LAX1: variants seen among roughly 807,000 people sequenced by gnomAD.
LAX1 encodes the protein lymphocyte transmembrane adaptor 1.
Under a neutral mutation model 20.7 loss-of-function variants are expected in LAX1, and 17 were observed. The ratio of observed to expected loss-of-function variants is 0.82; its 90% confidence interval spans 0.56 to 1.23. The LOEUF is 1.23. Among genes scored for constraint, LAX1 ranks in the 50% most tolerant of loss-of-function variants. The pLI is 0.00. For synonymous variants in LAX1, 165 were observed against 181.0 expected (o/e 0.91, Z 0.71); for missense variants, 470 against 487.0 (o/e 0.97, Z 0.33).
Position 203,768,050 on chromosome 1 carries a change from C to G in LAX1, c.89+2396C>G, listed in dbSNP as rs189724360. 2.2e-3 allele frequency among the ~76,000 whole-genome samples: 335 copies of G among 152,230 alleles called. 2 individuals are homozygous for G. The highest frequency in any genetic ancestry group is 5.3e-3 in the Admixed American group (81 of 15,284). ...ATCGGGCTGGGTGAGGTGGCTCACG[C>G]CTGTAATCCCAGCACTTTGGGAGGC... On this transcript the variant is annotated intron_variant, in intron 1 of 4. Transcript: ENST00000442561.
chr1:203,767,058 T>C (rs1459179249), intron 1 of LAX1, among the ~76,000 whole-genome samples: 5 of 151,706 alleles, frequency 3.3e-5, no homozygotes, highest in Non-Finnish European at 7.4e-5. Context: ...TGGGGTTTCT[T>C]CATGTTGGTC....
At chr1:203,770,415 A>T (rs759499925) in intron 1 of LAX1, among the ~76,000 whole-genome samples, 1 of 34,038 alleles carries the variant, frequency 2.9e-5, no homozygotes, top group African/African-American at 4.9e-5. Context: ...GACTCCATCA[A>T]AAAGAAAGAA....
chr1:203,770,901 T>G lies in LAX1; in HGVS notation c.163T>G (p.Phe55Val). ...CGCCATCCTCCTGGTCGTTGCGGTTTTCTGCATCTTGTGGAATTGGAATAA... is the reference window on the plus strand; with the variant it reads ...CGCCATCCTCCTGGTCGTTGCGGTTGTCTGCATCTTGTGGAATTGGAATAA... ...LLAILLVVAV[F>V]CILWNWNKRK... Residue 55 changes from phenylalanine (F) to valine (V), a missense_variant, in exon 2 of 5, where the codon TTC becomes GTC. Physicochemically the swap from Phe to Val is conservative, Grantham distance 50. Transcript: ENST00000442561. The G allele has an allele frequency of 6.2e-7, 1 of 1,614,236 alleles. No homozygotes were observed. The highest frequency in any genetic ancestry group is 8.5e-7 in the Non-Finnish European group (1 of 1,180,020).
intron 1 of LAX1, among the ~76,000 whole-genome samples, chr1:203,766,423 T>C (rs547397195): frequency 6.6e-6 from 1 of 152,258 alleles, no homozygotes; most frequent in South Asian, 2.1e-4. Context: ...AAACAGAGGT[T>C]GCAGTGTCAT....
At chr1:203,770,417 A>G (rs1236628121) in intron 1 of LAX1, among the ~76,000 whole-genome samples, 1 of 18,434 alleles carries the variant, frequency 5.4e-5, no homozygotes, top group Non-Finnish European at 1.5e-3. Flanking sequence ...CTCCATCAAA[A>G]AGAAAGAAAG....
chr1:203,769,637 T>C (rs4951180), intron 1 of LAX1: 99,573 of 151,530 alleles, frequency 0.66, 32,951 homozygotes, highest in Admixed American at 0.77. Flanking sequence ...ATCATCTGGA[T>C]GCATTTCAAC....
In LAX1 at chr1:203,765,221, G is replaced by A. The variant is rs547629205; in HGVS notation, c.-345G>A. The A allele has an allele frequency of 1.5e-5, 12 of 810,896 alleles. No individual in the cohort carries two copies. Among genetic ancestry groups the A allele is most frequent in the East Asian group, 5.3e-5 (2 of 37,396 alleles). The allele number at this position is 810,896 out of a possible 1,614,324, so 50.2% of individuals were successfully genotyped here. A position where few individuals can be genotyped will look rare whatever the true frequency, so the allele number is the denominator to read the frequency against. ...TGTTGAAGGAAGACGAGCTTCTCAC[G>A]GAGCCTCTCTTGAGCCTCTTGGCAG... On this transcript the variant is annotated 5_prime_UTR_variant, in exon 1 of 5. Transcript: ENST00000442561.
chr1:203,771,455 G>A lies in LAX1; in HGVS notation c.288G>A (p.Leu96=). Residue 96 remains leucine (L), a synonymous_variant, in exon 3 of 5, where the codon TTG becomes TTA. Coordinates refer to ENST00000442561, the MANE Select transcript of LAX1 (RefSeq NM_017773.4). ...GAGCCAAAAATATTTATGACATCTT[G>A]CCTTGGCGACAGGAAGACCTGGGTA... is the stretch of plus-strand genomic sequence containing the variant. The part of the protein sequence containing the change: ...RQRAKNIYDI[L]PWRQEDLGRH... 6 of 1,611,610 alleles carry A rather than the reference G, an allele frequency of 3.7e-6. No homozygotes were observed. Among genetic ancestry groups the A allele is most frequent in the Non-Finnish European group, 5.1e-6 (6 of 1,177,710 alleles).
intron 4 of LAX1, among the ~76,000 whole-genome samples, chr1:203,772,477 G>A (rs1667438472): frequency 6.6e-6 from 1 of 152,134 alleles, no homozygotes; most frequent in Non-Finnish European, 1.5e-5. Flanking sequence ...ACCCAGGCTG[G>A]AGTGCAGTGG....
At position 203,765,642 on chromosome 1, in the gene LAX1, G is replaced by C; in HGVS notation, c.77G>C (p.Arg26Pro). The part of the protein sequence containing the change: ...LESSTLHVTP[R>P]SLDRNKDQIT... ...TCCAGCACTCTGCATGTGACTCCCCGCAGCCTGGACAGGTGAGTGACTCAG... is the reference window on the plus strand; with the variant it reads ...TCCAGCACTCTGCATGTGACTCCCCCCAGCCTGGACAGGTGAGTGACTCAG... Residue 26 changes from arginine (R) to proline (P), a missense_variant, in exon 1 of 5, where the codon CGC becomes CCC. By Grantham distance (103) the Arg-to-Pro change is moderately radical. Transcript: ENST00000442561. 2 of 1,614,018 alleles carry C rather than the reference G, an allele frequency of 1.2e-6. No homozygotes were observed. The highest frequency in any genetic ancestry group is 1.7e-6 in the Non-Finnish European group (2 of 1,179,976).
In LAX1 at chr1:203,770,719, T is replaced by TCA. The variant is rs1197395194; in HGVS notation, c.90-107_90-106dup. 3 of 846,918 alleles carry TCA rather than the reference T, an allele frequency of 3.5e-6. No individual in the cohort carries two copies. The African/African-American group carries it at 5.0e-5, about 14-fold the overall frequency. 52.5% of individuals were successfully genotyped at this position (846,918 alleles called of 1,614,324 possible). On this transcript the variant is annotated intron_variant, in intron 1 of 4. Transcript: ENST00000442561. ...CACCACACCCCACCTGGGCTTTCCT[T>TCA]CACTCGGCTCCCATTCCAAATCTTC...
Position 203,771,433 on chromosome 1 carries a change from C to T in LAX1, c.266C>T (p.Ala89Val), listed in dbSNP as rs1667420407. 6.2e-7 allele frequency: 1 copy of T among 1,613,680 alleles called. No homozygotes were observed. Among genetic ancestry groups the T allele is most frequent in the Non-Finnish European group, 8.5e-7 (1 of 1,179,660 alleles). Residue 89 changes from alanine to valine, a missense_variant, in exon 3 of 5, where the codon GCC (alanine) becomes GTC (valine). By Grantham distance (64) the Ala-to-Val change is moderately conservative. Coordinates refer to ENST00000442561, the MANE Select transcript of LAX1 (RefSeq NM_017773.4). Reference sequence around the variant, plus strand: ...ACTTTGCCACAAACCAGACAAAGAGCCAAAAATATTTATGACATCTTGCCT... The same window carrying T: ...ACTTTGCCACAAACCAGACAAAGAGTCAAAAATATTTATGACATCTTGCCT... ...LLTLPQTRQR[A>V]KNIYDILPWR...
In LAX1 at chr1:203,774,765, A is replaced by G; in HGVS notation, c.*84A>G. Reference sequence around the variant, plus strand: ...CTGCAGAGTCTAGTGCAGACCCGTGATCACCTTAGTGCTTCAGTGGATTCA... The same window carrying G: ...CTGCAGAGTCTAGTGCAGACCCGTGGTCACCTTAGTGCTTCAGTGGATTCA... On this transcript the variant is annotated 3_prime_UTR_variant, in exon 5 of 5. Coordinates refer to ENST00000442561, the MANE Select transcript of LAX1 (RefSeq NM_017773.4). The G allele has an allele frequency of 8.9e-7, 1 of 1,123,884 alleles. No individual in the cohort carries two copies. The highest frequency in any genetic ancestry group is 2.4e-5 in the Admixed American group (1 of 41,174). 69.6% of individuals were successfully genotyped at this position (1,123,884 alleles called of 1,614,324 possible). A position where few individuals can be genotyped will look rare whatever the true frequency, so the allele number is the denominator to read the frequency against.
chr1:203,771,185 C>G (rs894825123), intron 2 of LAX1, among the ~76,000 whole-genome samples, 182 bp from the exon 3 acceptor site: 4 of 152,152 alleles, frequency 2.6e-5, no homozygotes, highest in Non-Finnish European at 5.9e-5. Flanking sequence ...TACGTTCTGT[C>G]CATCAAGTCC....
intron 1 of LAX1, among the ~76,000 whole-genome samples, chr1:203,768,578 T>G (rs1219051571): frequency 2.0e-5 from 3 of 151,868 alleles, no homozygotes; most frequent in Non-Finnish European, 4.4e-5. Context: ...GGGAAAGTGG[T>G]AGGAAATAAG....
At chr1:203,773,783 TTCAG>T in intron 4 of LAX1, 88 bp from the exon 5 acceptor site, 3 of 166,218 alleles carry the variant, frequency 1.8e-5, no homozygotes, top group East Asian at 1.8e-4. Context: ...TTTTTTTTTT[TTCAG>T]AATATGCCAG....
Position 203,765,224 on chromosome 1 carries a change from GC to G in LAX1, c.-340del. 2.4e-6 allele frequency: 2 copies of G among 834,596 alleles called. No individual in the cohort carries two copies. Among genetic ancestry groups the G allele is most frequent in the Non-Finnish European group, 3.9e-6 (2 of 514,384 alleles). The allele number at this position is 834,596 out of a possible 1,614,324, so 51.7% of individuals were successfully genotyped here. On this transcript the variant is annotated 5_prime_UTR_variant, in exon 1 of 5. Transcript: ENST00000442561. ...TGAAGGAAGACGAGCTTCTCACGGA[GC>G]CTCTCTTGAGCCTCTTGGCAGTTTC...
chr1:203,774,296 T>C lies in LAX1; in HGVS notation c.812T>C (p.Met271Thr), dbSNP rs750663284. 16 of 1,614,190 alleles carry C rather than the reference T, an allele frequency of 9.9e-6. 1 individual carries two copies. In the Middle Eastern group the frequency reaches 8.3e-4, roughly 83 times the overall value. ...SSQISNDYVN[M>T]TGLDLSAIQE... ...CAGATCTCAAATGACTATGTCAACA[T>C]GACAGGGTTGGATCTCAGTGCCATC... is the stretch of plus-strand genomic sequence containing the variant. Residue 271 changes from methionine (M) to threonine (T), a missense_variant, in exon 5 of 5, where the codon ATG becomes ACG. Transcript: ENST00000442561.
chr1:203,770,905 G>T lies in LAX1; in HGVS notation c.167G>T (p.Cys56Phe). The T allele has an allele frequency of 6.2e-7, 1 of 1,614,054 alleles. No individual in the cohort carries two copies. ...ATCCTCCTGGTCGTTGCGGTTTTCTGCATCTTGTGGAATTGGAATAAACGG... is the reference window on the plus strand; with the variant it reads ...ATCCTCCTGGTCGTTGCGGTTTTCTTCATCTTGTGGAATTGGAATAAACGG... ...LAILLVVAVF[C>F]ILWNWNKRKK... is the part of the protein sequence containing the mutation. The change falls in exon 2 of 5, where the codon TGC (cysteine) becomes TTC (phenylalanine). Residue 56 changes from cysteine (C) to phenylalanine (F), a missense_variant. Physicochemically the swap from Cys to Phe is radical, Grantham distance 205. Transcript: ENST00000442561.
Sources: gnomAD v4.1 joint callset for allele counts (sites outside exome capture counted in the v4.1 genomes callset) on GRCh38, gnomAD v4.1.1 for gene constraint, MANE v1.5 for transcripts, NCBI Gene and HGNC (gene_info 2026-07-23, HGNC 2026-07-21) for gene names.